KTN1: variants seen among roughly 807,000 people sequenced by gnomAD.
KTN1 encodes kinectin.
Under a neutral mutation model 222.5 loss-of-function variants are expected in KTN1, and 130 were observed. That is an observed-to-expected ratio of 0.58 (90% CI 0.51 to 0.68). The LOEUF is 0.68. Among genes scored for constraint, KTN1 ranks in the 30% least tolerant of loss-of-function variants. The pLI is 0.00. For synonymous variants in KTN1, 512 were observed against 496.3 expected (o/e 1.03, Z -0.42); for missense variants, 1,508 against 1,500.4 (o/e 1.01, Z -0.08).
intron 7 of KTN1, among the ~76,000 whole-genome samples, chr14:55,630,731 G>A (rs2040411787): frequency 6.6e-6 from 1 of 152,210 alleles, no homozygotes; most frequent in African/African-American, 2.4e-5. Flanking sequence ...AGGAGTTTAA[G>A]CAACGCAGCA....
At chr14:55,659,558 A>G (rs373845791) in intron 30 of KTN1, 108 bp from the exon 31 acceptor site, 22 of 743,258 alleles carry the variant, frequency 3.0e-5, no homozygotes, top group East Asian at 7.5e-5. Context: ...TGAAATATAT[A>G]CTATTTTTAC....
At chr14:55,631,136 T>C (rs1414871772) in intron 7 of KTN1, among the ~76,000 whole-genome samples, 1 of 151,976 alleles carries the variant, frequency 6.6e-6, no homozygotes, top group Non-Finnish European at 1.5e-5. Context: ...GATTGAAATA[T>C]CTTTATTACT....
At chr14:55,584,341 G>A (rs1344140727) in intron 1 of KTN1, among the ~76,000 whole-genome samples, 3 of 152,150 alleles carry the variant, frequency 2.0e-5, no homozygotes, top group Non-Finnish European at 4.4e-5. Flanking sequence ...CAAAACAGAC[G>A]AAAAGCTCTG....
At chr14:55,659,571 T>A in intron 30 of KTN1, 95 bp from the exon 31 acceptor site, 2 of 801,866 alleles carry the variant, frequency 2.5e-6, no homozygotes, top group South Asian at 2.9e-5. Flanking sequence ...ATTTTTACTT[T>A]TGTTGTTTTC....
chr14:55,619,154 T>C, intron 4 of KTN1, 28 bp from the exon 5 acceptor site: 1 of 1,572,744 alleles, frequency 6.4e-7, no homozygotes, highest in Non-Finnish European at 8.7e-7. Context: ...ATGCCAACTC[T>C]TTGTTTGTTT....
At chr14:55,661,695 A>G in intron 32 of KTN1, 83 bp downstream of exon 32, 1 of 671,802 alleles carries the variant, frequency 1.5e-6, no homozygotes, top group Admixed American at 2.8e-5. Flanking sequence ...TTTTAAATCT[A>G]CTTTTACTTT....
intron 28 of KTN1, among the ~76,000 whole-genome samples, chr14:55,654,119 T>C (rs1029156232): frequency 6.6e-6 from 1 of 152,194 alleles, no homozygotes; most frequent in Non-Finnish European, 1.5e-5. Flanking sequence ...TCTGTAGATA[T>C]TAATCTTAGA....
chr14:55,614,698 T>G (rs1203007912), intron 2 of KTN1, among the ~76,000 whole-genome samples: 1 of 152,248 alleles, frequency 6.6e-6, no homozygotes, highest in African/African-American at 2.4e-5. Flanking sequence ...CATAATATGT[T>G]TATGACTGGC....
intron 41 of KTN1, 84 bp downstream of exon 41, chr14:55,676,002 G>T (rs886450298): frequency 4.7e-6 from 4 of 858,178 alleles, no homozygotes; most frequent in East Asian, 2.6e-5. Context: ...TGCTAATTCT[G>T]GATTTGTTGT....
intron 5 of KTN1, among the ~76,000 whole-genome samples, chr14:55,623,390 A>C (rs1016066404): frequency 2.0e-5 from 3 of 152,098 alleles, no homozygotes; most frequent in Non-Finnish European, 4.4e-5. Flanking sequence ...TTTTGTTTTT[A>C]TTTTTTTGAG....
chr14:55,663,144 A>G (rs977498377), intron 32 of KTN1: 1 of 336,286 alleles, frequency 3.0e-6, no homozygotes, highest in African/African-American at 2.1e-5. Flanking sequence ...GTGAACTGCC[A>G]AGTACAGTGG....
At chr14:55,600,021 A>T (rs904229482) in intron 1 of KTN1, among the ~76,000 whole-genome samples, 5 of 151,830 alleles carry the variant, frequency 3.3e-5, no homozygotes, top group African/African-American at 4.8e-5. Context: ...TCTTATTTAC[A>T]TAAGCAAAAC....
intron 15 of KTN1, 144 bp downstream of exon 15, chr14:55,640,586 T>C (rs1484061454): frequency 3.2e-6 from 2 of 631,012 alleles, no homozygotes; most frequent in Non-Finnish European, 5.5e-6. Context: ...TTGATGTTAC[T>C]GTTTTTATGT....
intron 34 of KTN1, among the ~76,000 whole-genome samples, chr14:55,669,673 G>T (rs2045269630): frequency 6.6e-6 from 1 of 151,848 alleles, no homozygotes; most frequent in South Asian, 2.1e-4. Flanking sequence ...ATTTATGTTG[G>T]GTACCAATAG....
At chr14:55,672,596 T>G (rs202094368) in intron 37 of KTN1, 34 bp from the exon 38 acceptor site, 2 of 563,462 alleles carry the variant, frequency 3.5e-6, no homozygotes, top group Non-Finnish European at 5.1e-6. Context: ...TCCTTGGTGG[T>G]TTTACTTGGC....
intron 5 of KTN1, among the ~76,000 whole-genome samples, chr14:55,626,319 T>A (rs1357111796): frequency 6.6e-6 from 1 of 152,184 alleles, no homozygotes; most frequent in East Asian, 1.9e-4. Context: ...GGCATGTGCT[T>A]TTCTGTTTGC....
At chr14:55,633,136 A>G (rs2040725074) in intron 7 of KTN1, 99 bp from the exon 8 acceptor site, 5 of 511,998 alleles carry the variant, frequency 9.8e-6, no homozygotes, top group Non-Finnish European at 1.7e-5. Context: ...ACTTCATTCT[A>G]TTGATGTTTT....
chr14:55,668,207 G>C (rs1017210523), intron 34 of KTN1: 3 of 151,948 alleles, frequency 2.0e-5, no homozygotes, highest in Non-Finnish European at 4.4e-5. Flanking sequence ...TTCTCCAGTT[G>C]TCATAAATTG....
intron 18 of KTN1, among the ~76,000 whole-genome samples, chr14:55,646,352 T>C (rs2042272563): frequency 6.6e-6 from 1 of 150,950 alleles, no homozygotes; most frequent in Non-Finnish European, 1.5e-5. Flanking sequence ...TACACCTTAG[T>C]ATAGAAAAAA....
Sources: gnomAD v4.1 joint callset for allele counts (sites outside exome capture counted in the v4.1 genomes callset) on GRCh38, gnomAD v4.1.1 for gene constraint, MANE v1.5 for transcripts, NCBI Gene and HGNC (gene_info 2026-07-23, HGNC 2026-07-21) for gene names.